PPAT: variants seen among roughly 807,000 people sequenced by gnomAD.
The protein encoded by PPAT is amidophosphoribosyltransferase.
PPAT carries 20 observed loss-of-function variants against 60.2 expected under a neutral mutation model. That is an observed-to-expected ratio of 0.33 (90% CI 0.23 to 0.48). The LOEUF (loss-of-function observed/expected upper bound fraction) is 0.48. PPAT is among the 20% of genes least tolerant of loss of function. The pLI is 0.99. For synonymous variants in PPAT, 194 were observed against 215.1 expected, an observed-to-expected ratio of 0.90 and a Z score of 0.86; for missense variants, 349 against 629.6, an observed-to-expected ratio of 0.55 and a Z score of 4.77.
intron 3 of PPAT, among the ~76,000 whole-genome samples, chr4:56,404,573 A>C (rs1716195777): frequency 6.9e-6 from 1 of 145,670 alleles, no homozygotes; most frequent in African/African-American, 2.5e-5. Context: ...GTAAAGATAA[A>C]GTTTAGCATC....
intron 10 of PPAT, 69 bp from the exon 11 acceptor site, chr4:56,395,617 G>A: frequency 9.0e-7 from 1 of 1,108,354 alleles, no homozygotes. Flanking sequence ...CGTCAACAGA[G>A]AATAGTTACA....
chr4:56,419,012 T>C (rs1716909568), intron 1 of PPAT, among the ~76,000 whole-genome samples: 1 of 152,244 alleles, frequency 6.6e-6, no homozygotes, highest in Non-Finnish European at 1.5e-5. Context: ...GCACTGATTG[T>C]TCTGTGTGAC....
chr4:56,435,546 C>G lies in PPAT; in HGVS notation c.-69G>C, dbSNP rs927219361. On this transcript the variant is annotated 5_prime_UTR_variant, in exon 1 of 11. Coordinates refer to ENST00000264220, the MANE Select transcript of PPAT (RefSeq NM_002703.5). ...GGTGTAAGCACCAACCAGCTGCCAG[C>G]TCGGCCCGTCGAGCTCAGAAGCTCG... The G allele has an allele frequency of 1.2e-6, 2 of 1,607,962 alleles. No homozygotes were observed. Among genetic ancestry groups the G allele is most frequent in the African/African-American group, 2.7e-5 (2 of 74,826 alleles).
At chr4:56,403,591 A>G (rs945770045) in intron 3 of PPAT, among the ~76,000 whole-genome samples, 190 bp from the exon 4 acceptor site, 2 of 152,212 alleles carry the variant, frequency 1.3e-5, no homozygotes, top group African/African-American at 4.8e-5. Flanking sequence ...CAATTTTTCC[A>G]TGGACCAGGG....
chr4:56,402,957 T>C (rs1716154067), intron 5 of PPAT, 83 bp downstream of exon 5: 1 of 1,302,044 alleles, frequency 7.7e-7, no homozygotes, highest in East Asian at 2.4e-5. Context: ...CAACTTTCTA[T>C]ACCTAAAGAT....
intron 9 of PPAT, among the ~76,000 whole-genome samples, chr4:56,398,704 C>T (rs58654038): frequency 0.095 from 14,522 of 152,168 alleles, 830 homozygotes; most frequent in East Asian, 0.25. Flanking sequence ...CCCACCTCAG[C>T]CTCCCAAAGT....
intron 1 of PPAT, among the ~76,000 whole-genome samples, chr4:56,423,927 T>C (rs78497044): frequency 0.027 from 4,080 of 152,274 alleles, 202 homozygotes; most frequent in African/African-American, 0.092. Flanking sequence ...AGGAAGAATG[T>C]AATAGAACGT....
At chr4:56,421,237 G>C (rs905625764) in intron 1 of PPAT, 1 of 155,560 alleles carries the variant, frequency 6.4e-6, no homozygotes, top group Non-Finnish European at 1.4e-5. Flanking sequence ...CTGATGATCT[G>C]TCATTGTCTC....
rs1716109980 is a variant in PPAT at position 56,401,444 on chromosome 4, T to G, written c.772A>C (p.Ile258Leu). Reference sequence around the variant, plus strand: ...AGAGTTTGGACATTGTGTCTGGATATTTCCACAATTTCTCCAGGCAAGACT... The same window carrying G: ...AGAGTTTGGACATTGTGTCTGGATAGTTCCACAATTTCTCCAGGCAAGACT... ...REVLPGEIVE[I>L]SRHNVQTLDI... is the part of the protein sequence containing the mutation. The change falls in exon 7 of 11, where the codon ATA (isoleucine) becomes CTA (leucine). Residue 258 changes from isoleucine (I) to leucine (L), a missense_variant. Transcript: ENST00000264220. 6.2e-7 allele frequency: 1 copy of G among 1,604,738 alleles called. No individual in the cohort carries two copies. Among genetic ancestry groups the G allele is most frequent in the South Asian group, 1.1e-5 (1 of 89,366 alleles).
chr4:56,432,018 A>C (rs1488086754), intron 1 of PPAT, among the ~76,000 whole-genome samples: 1 of 152,218 alleles, frequency 6.6e-6, no homozygotes, highest in Non-Finnish European at 1.5e-5. Context: ...CGGGGAGTAC[A>C]TCTGGATGAA....
chr4:56,425,023 T>G (rs975554645), intron 1 of PPAT, among the ~76,000 whole-genome samples: 15 of 152,210 alleles, frequency 9.9e-5, no homozygotes, highest in African/African-American at 3.6e-4. Flanking sequence ...AATACCTCAA[T>G]GTTCATCTAA....
Position 56,396,817 on chromosome 4 carries a change from G to A in PPAT, c.1237-78C>T. 2 of 1,395,532 alleles carry A rather than the reference G, an allele frequency of 1.4e-6. No individual in the cohort carries two copies. Among genetic ancestry groups the A allele is most frequent in the Admixed American group, 4.7e-5 (2 of 42,714 alleles). 86.4% of individuals were successfully genotyped at this position (1,395,532 alleles called of 1,614,324 possible). ...CATTGTGCAAATACAATACAAAATT[G>A]TTTTGCAGAATATTCAGTAACAACA... On this transcript the variant is annotated intron_variant, in intron 9 of 10. Coordinates refer to ENST00000264220, the MANE Select transcript of PPAT (RefSeq NM_002703.5). This position sits in a 1 kb window ranked among gnomAD's most constrained non-coding sequence, Gnocchi z 4.6.
chr4:56,409,179 T>C (rs1175601509), intron 1 of PPAT, among the ~76,000 whole-genome samples: 4 of 152,042 alleles, frequency 2.6e-5, no homozygotes, highest in African/African-American at 9.7e-5. Flanking sequence ...ACCATGCCCA[T>C]TTTACAGATA....
At chr4:56,403,504 C>T (rs562380591) in intron 3 of PPAT, 103 bp from the exon 4 acceptor site, 2 of 839,652 alleles carry the variant, frequency 2.4e-6, no homozygotes, top group African/African-American at 1.7e-5. Context: ...TGTGGATGTC[C>T]AGTTACAAAA....
At chr4:56,400,690 C>T (rs1382959325) in intron 8 of PPAT, 94 bp downstream of exon 8, 5 of 1,320,918 alleles carry the variant, frequency 3.8e-6, no homozygotes, top group Non-Finnish European at 5.0e-6. Flanking sequence ...TTCCTTTCTC[C>T]TTAGAAATGT....
intron 1 of PPAT, among the ~76,000 whole-genome samples, chr4:56,411,396 CAAGAACAGCTCCATTTTAACAATGAAG>C (rs1456565748): frequency 8.5e-5 from 13 of 152,202 alleles, no homozygotes; most frequent in South Asian, 8.3e-4. Context: ...TACTTGTTTA[CAAGAACAGCTCCATTTTAACAATGAAG>C]AAGAACAGCT....
intron 3 of PPAT, among the ~76,000 whole-genome samples, chr4:56,406,021 A>G (rs1716232412): frequency 1.3e-5 from 2 of 152,200 alleles, no homozygotes; most frequent in Admixed American, 6.5e-5. Flanking sequence ...TACTATCAGA[A>G]TACAATTGAA....
chr4:56,403,940 G>A (rs368724838), intron 3 of PPAT: 12 of 380,656 alleles, frequency 3.2e-5, no homozygotes, highest in South Asian at 1.6e-4. Flanking sequence ...AATAGTGAGC[G>A]ATGGGGAGCA....
chr4:56,410,899 TAAAAAAAAAAAAAAAA>T (rs35668849), intron 1 of PPAT: 10 of 678,498 alleles, frequency 1.5e-5, no homozygotes, highest in African/African-American at 3.6e-5. Flanking sequence ...CCACTGAAGG[TAAAAAAAAAAAAAAAA>T]AAAAAAAAAA....
Sources: gnomAD v4.1 joint callset for allele counts (sites outside exome capture counted in the v4.1 genomes callset) on GRCh38, gnomAD v4.1.1 for gene constraint, Gnocchi (gnomAD v3.1) non-coding constraint, MANE v1.5 for transcripts, NCBI Gene and HGNC (gene_info 2026-07-23, HGNC 2026-07-21) for gene names.